Variants in CCNG1 observed in about 807,000 individuals in gnomAD.
CCNG1 encodes cyclin G1, also known as cyclin-G1.
In CCNG1, 13 loss-of-function variants were observed where a neutral mutation model predicts 30.0. That is an observed-to-expected ratio of 0.43 (90% CI 0.28 to 0.69). The LOEUF (loss-of-function observed/expected upper bound fraction) is 0.69. Among genes scored for constraint, CCNG1 ranks in the 30% least tolerant of loss-of-function variants. The pLI is 0.16. For missense variants in CCNG1, 285 were observed against 331.4 expected (o/e 0.86, Z 1.09); for synonymous variants, 110 against 121.5 (o/e 0.91, Z 0.62).
At chr5:163,442,738 A>G (rs1278836551) in intron 6 of CCNG1, among the ~76,000 whole-genome samples, 170 bp downstream of exon 6, 1 of 152,252 alleles carries the variant, frequency 6.6e-6, no homozygotes, top group Non-Finnish European at 1.5e-5. Context: ...TTTACTATAT[A>G]CAAGGTACAA....
intron 6 of CCNG1, 125 bp from the exon 7 acceptor site, chr5:163,443,546 ATGT>A: frequency 1.7e-6 from 1 of 590,614 alleles, no homozygotes; most frequent in Non-Finnish European, 3.0e-6. Flanking sequence ...TCAAAACTAA[ATGT>A]TAACATTTAA....
At chr5:163,443,646 A>AT in intron 6 of CCNG1, 28 bp from the exon 7 acceptor site, 1 of 1,343,698 alleles carries the variant, frequency 7.4e-7, no homozygotes, top group Non-Finnish European at 1.0e-6. Context: ...GTTAAGTTGG[A>AT]TTTTGTTTGT....
Position 163,439,334 on chromosome 5 carries a change from A to G in CCNG1, c.78A>G (p.Arg26=), listed in dbSNP as rs760406711. 1.9e-6 allele frequency: 3 copies of G among 1,614,188 alleles called. No homozygotes were observed. Among genetic ancestry groups the G allele is most frequent in the Non-Finnish European group, 2.5e-6 (3 of 1,180,022 alleles). The change falls in exon 2 of 7, where the codon AGA becomes AGG. Residue 26 remains arginine (R), a synonymous_variant. Coordinates refer to ENST00000340828, the MANE Select transcript of CCNG1 (RefSeq NM_004060.4). ...ATGCCCTGTTGGAACAGGAGTCTAG[A>G]TGTCAGCCAAAGGTCTGTGGTTTGA... The part of the protein sequence containing the change: ...QLNALLEQES[R]CQPKVCGLRL...
At position 163,442,104 on chromosome 5, in the gene CCNG1, G is replaced by A. The variant is rs1163768645; in HGVS notation, c.657G>A (p.Glu219=). 1.9e-6 allele frequency: 3 copies of A among 1,612,044 alleles called. No homozygotes were observed. Among genetic ancestry groups the A allele is most frequent in the South Asian group, 1.1e-5 (1 of 90,960 alleles). ...ALEIQAQKCV[E]LTEGIECLQK... ...AGATCCAAGCACAGAAGTGTGTAGA[G>A]TTAACAGAAGGAATAGAATGTCTTC... Residue 219 remains glutamate (E), a synonymous_variant, in exon 5 of 7, where the codon GAG becomes GAA. Transcript: ENST00000340828.
downstream of CCNG1, chr5:163,450,296 G>C (rs1758146171): frequency 6.6e-6 from 1 of 152,002 alleles, no homozygotes; most frequent in African/African-American, 2.4e-5. Context: ...CATGACCTGG[G>C]GTTAAGGTTC....
chr5:163,438,202 C>T (rs1232657860), intron 1 of CCNG1, among the ~76,000 whole-genome samples: 1 of 152,186 alleles, frequency 6.6e-6, no homozygotes, highest in Non-Finnish European at 1.5e-5. Flanking sequence ...CCAGGTTCAT[C>T]TTTCAGACTA....
chr5:163,449,578 T>C (rs1581175570), downstream of CCNG1: 3 of 152,192 alleles, frequency 2.0e-5, no homozygotes, highest in South Asian at 6.2e-4. Context: ...CTAAAATTCA[T>C]ATGGAAGGCA....
rs756928499 is a variant in CCNG1, at chr5:163,442,033, T to C, written c.598-12T>C. The C allele has an allele frequency of 6.9e-6, 11 of 1,604,410 alleles. No homozygotes were observed. The Admixed American group carries it at 1.8e-4, about 27-fold the overall frequency. On this transcript the variant is annotated splice_polypyrimidine_tract_variant and intron_variant, in intron 4 of 6. Transcript: ENST00000340828. ...TTATATTTGGCATTTACTTTAAATT[T>C]ATCTCTTTTAGCCTTCTGTGTTGGC...
At chr5:163,454,003 A>G in the CCNG1 span, 1 of 1,563,154 alleles carries the variant, frequency 6.4e-7, no homozygotes. Context: ...GTCCACCTTT[A>G]GTGTAGTTTC....
the CCNG1 span, chr5:163,453,963 G>A: frequency 5.1e-5 from 77 of 1,496,800 alleles, no homozygotes; most frequent in Non-Finnish European, 7.0e-5. Context: ...AGGAAAAAAA[G>A]CAGTTATTTC....
chr5:163,448,299 C>A (rs1023011656), downstream of CCNG1: 1 of 151,290 alleles, frequency 6.6e-6, no homozygotes, highest in East Asian at 1.9e-4. Flanking sequence ...AATTGATAAA[C>A]CTCTGGCAAA....
At chr5:163,445,639 T>G (rs1431704743), downstream of CCNG1, among the ~76,000 whole-genome samples, 1 of 149,532 alleles carries the variant, frequency 6.7e-6, no homozygotes, top group Non-Finnish European at 1.5e-5. Context: ...TTTTTTTTTG[T>G]AGAGGCAGTG....
At chr5:163,438,887 G>A (rs1177555812) in intron 1 of CCNG1, among the ~76,000 whole-genome samples, 2 of 152,148 alleles carry the variant, frequency 1.3e-5, no homozygotes, top group African/African-American at 2.4e-5. Context: ...TTAGCTGGGC[G>A]CGGTGGCGCA....
chr5:163,448,240 C>T (rs1489937801), downstream of CCNG1: 2 of 148,226 alleles, frequency 1.3e-5, no homozygotes, highest in African/African-American at 2.5e-5. Flanking sequence ...CAATTGTAAA[C>T]AAATTAATAG....
downstream of CCNG1, chr5:163,445,780 T>A (rs181067836): frequency 5.3e-5 from 8 of 152,068 alleles, no homozygotes; most frequent in Admixed American, 5.2e-4. Context: ...TTAATAGACA[T>A]AGAATGATGA....
chr5:163,442,805 A>C (rs978673065), intron 6 of CCNG1, among the ~76,000 whole-genome samples: 3 of 152,160 alleles, frequency 2.0e-5, no homozygotes, highest in African/African-American at 7.2e-5. Flanking sequence ...CATTTCATTA[A>C]ATTTTCAGCT....
At chr5:163,443,170 G>A (rs1039094812) in intron 6 of CCNG1, among the ~76,000 whole-genome samples, 21 of 152,118 alleles carry the variant, frequency 1.4e-4, no homozygotes, top group Admixed American at 6.5e-5. Flanking sequence ...AATTTAGCCA[G>A]TCGCGGTGGC....
Position 163,442,038 on chromosome 5 carries a change from C to G in CCNG1, c.598-7C>G. On this transcript the variant is annotated splice_polypyrimidine_tract_variant and splice_region_variant and intron_variant, in intron 4 of 6. Transcript: ENST00000340828. Reference sequence around the variant, plus strand: ...TTTGGCATTTACTTTAAATTTATCTCTTTTAGCCTTCTGTGTTGGCATTGT... The same window carrying G: ...TTTGGCATTTACTTTAAATTTATCTGTTTTAGCCTTCTGTGTTGGCATTGT... The G allele has an allele frequency of 6.2e-7, 1 of 1,607,560 alleles. No individual in the cohort carries two copies. The highest frequency in any genetic ancestry group is 8.5e-7 in the Non-Finnish European group (1 of 1,174,736).
At chr5:163,455,001 C>T in the CCNG1 span, among the ~76,000 whole-genome samples, 4 of 152,140 alleles carry the variant, frequency 2.6e-5, no homozygotes, top group Non-Finnish European at 5.9e-5. Flanking sequence ...GTCACAAATA[C>T]TCAACTGTCT....
Sources: allele counts gnomAD v4.1 joint callset (sites outside exome capture counted in the v4.1 genomes callset), GRCh38; gene constraint gnomAD v4.1.1; transcripts MANE v1.5; gene names NCBI Gene and HGNC (gene_info 2026-07-23, HGNC 2026-07-21).